DCC: variants seen among roughly 807,000 people sequenced by gnomAD.
The protein encoded by DCC is netrin receptor DCC.
A neutral mutation model predicts 172.5 loss-of-function variants in DCC; 58 were observed. The ratio of observed to expected loss-of-function variants is 0.34; its 90% CI spans 0.27 to 0.42. DCC has a LOEUF of 0.42. Ranked by LOEUF, DCC falls within the 10% of genes least tolerant of loss-of-function variation. The probability of loss-of-function intolerance (pLI) is 1.00; values close to 1 mark genes in which losing one functional copy is unlikely to be tolerated. For synonymous variants in DCC, 709 were observed against 644.5 expected (o/e 1.10, Z -1.52); for missense variants, 1,740 against 1,791.0 (o/e 0.97, Z 0.51).
At chr18:53,176,157 C>G (rs2055089970) in intron 8 of DCC, among the ~76,000 whole-genome samples, 1 of 131,974 alleles carries the variant, frequency 7.6e-6, no homozygotes, top group Non-Finnish European at 1.6e-5. Flanking sequence ...CCCTTCCTTA[C>G]ACCTTATACA....
intron 1 of DCC, among the ~76,000 whole-genome samples, chr18:52,534,854 C>T (rs1255217929): frequency 6.6e-6 from 1 of 152,136 alleles, no homozygotes; most frequent in Non-Finnish European, 1.5e-5. Context: ...TTTAACTTTA[C>T]AGGGAAAGAA....
chr18:52,812,786 G>C (rs183110018), intron 2 of DCC, among the ~76,000 whole-genome samples: 24 of 152,304 alleles, frequency 1.6e-4, no homozygotes, highest in African/African-American at 5.3e-4. Flanking sequence ...TGTGCCCAAA[G>C]GCAAAGCTCC....
At chr18:52,804,310 T>C (rs1430402181) in intron 2 of DCC, among the ~76,000 whole-genome samples, 2 of 152,204 alleles carry the variant, frequency 1.3e-5, no homozygotes, top group African/African-American at 2.4e-5. Context: ...AGTACATAAA[T>C]TGGTCAATAT....
chr18:53,108,426 G>T (rs896137660), intron 7 of DCC, among the ~76,000 whole-genome samples: 7 of 151,694 alleles, frequency 4.6e-5, no homozygotes, highest in Admixed American at 2.6e-4. Context: ...TTTTGTGAAA[G>T]GATTAGTTAT....
intron 5 of DCC, among the ~76,000 whole-genome samples, chr18:53,061,105 C>T (rs1343718905): frequency 2.0e-5 from 3 of 152,066 alleles, no homozygotes; most frequent in Non-Finnish European, 4.4e-5. Context: ...TATTTGCAAA[C>T]ATTAACTGTC....
intron 1 of DCC, among the ~76,000 whole-genome samples, chr18:52,568,080 C>T (rs1393665982): frequency 6.6e-6 from 1 of 151,962 alleles, no homozygotes; most frequent in East Asian, 1.9e-4. Context: ...TGGTTTAGTA[C>T]TTGGGGGGTG....
rs2046297509 is a variant in DCC, at chr18:53,513,923, G to C, written c.4112-12694G>C. 2.6e-5 allele frequency among the ~76,000 whole-genome samples: 4 copies of C among 151,004 alleles called. No individual in the cohort carries two copies. In the Admixed American group the frequency reaches 2.6e-4, roughly 10 times the overall value. On this transcript the variant is annotated intron_variant, in intron 27 of 28. Transcript: ENST00000442544. Reference sequence around the variant, plus strand: ...GATCAACAAGACAGAAAGTCAACAAGGATACCCAGGAATTGAACTCAGCTC... The same window carrying C: ...GATCAACAAGACAGAAAGTCAACAACGATACCCAGGAATTGAACTCAGCTC...
At chr18:53,301,147 T>A (rs2057136187) in intron 12 of DCC, among the ~76,000 whole-genome samples, 1 of 151,306 alleles carries the variant, frequency 6.6e-6, no homozygotes, top group South Asian at 2.1e-4. Context: ...TGGAGTGCAA[T>A]GGTGTGATCT....
At chr18:53,026,405 T>C (rs2041955742) in intron 5 of DCC, among the ~76,000 whole-genome samples, 1 of 152,156 alleles carries the variant, frequency 6.6e-6, no homozygotes, top group African/African-American at 2.4e-5. Context: ...TTTTCAACTT[T>C]TTACTAGGAA....
intron 1 of DCC, among the ~76,000 whole-genome samples, chr18:52,642,095 C>CAT (rs2034917956): frequency 7.1e-6 from 1 of 140,996 alleles, no homozygotes; most frequent in Non-Finnish European, 1.5e-5. Context: ...CACACACACA[C>CAT]ACTCACACAC....
intron 2 of DCC, among the ~76,000 whole-genome samples, chr18:52,787,022 CAGAG>C (rs2037673299): frequency 6.6e-6 from 1 of 152,046 alleles, no homozygotes; most frequent in Admixed American, 6.6e-5. Flanking sequence ...AGGAACTAGG[CAGAG>C]AGAAACATGC....
At chr18:52,444,263 C>G (rs1427163798) in intron 1 of DCC, among the ~76,000 whole-genome samples, 1 of 152,136 alleles carries the variant, frequency 6.6e-6, no homozygotes, top group African/African-American at 2.4e-5. Context: ...CAGCACATTT[C>G]AAATATAAAC....
At chr18:53,151,832 AAT>A (rs1283215108) in intron 7 of DCC, among the ~76,000 whole-genome samples, 1 of 152,082 alleles carries the variant, frequency 6.6e-6, no homozygotes, top group Non-Finnish European at 1.5e-5. Context: ...TTTTAGAAAA[AAT>A]ATTATTTCAT....
chr18:52,927,303 T>C (rs1185482122), intron 5 of DCC, among the ~76,000 whole-genome samples: 1 of 150,900 alleles, frequency 6.6e-6, no homozygotes, highest in African/African-American at 2.4e-5. Flanking sequence ...ATTGGCATAC[T>C]CATACTGGCA....
chr18:53,386,624 C>T (rs1908188956), intron 16 of DCC, among the ~76,000 whole-genome samples: 1 of 152,108 alleles, frequency 6.6e-6, no homozygotes, highest in Admixed American at 6.5e-5. Context: ...GGCTGAGTGA[C>T]ATATGTGGTA....
chr18:52,412,146 A>G (rs985798361), intron 1 of DCC, among the ~76,000 whole-genome samples: 3 of 152,144 alleles, frequency 2.0e-5, no homozygotes, highest in Non-Finnish European at 4.4e-5. Flanking sequence ...ATACAAATGT[A>G]TATCATTACA....
intron 5 of DCC, among the ~76,000 whole-genome samples, chr18:53,034,466 A>T (rs1303731454): frequency 6.6e-6 from 1 of 152,084 alleles, no homozygotes; most frequent in Non-Finnish European, 1.5e-5. Context: ...ATTTACCTCT[A>T]GTCCATCTAC....
At chr18:52,359,313 G>T (rs1207447192) in intron 1 of DCC, among the ~76,000 whole-genome samples, 1 of 152,196 alleles carries the variant, frequency 6.6e-6, no homozygotes, top group Admixed American at 6.5e-5. Context: ...ATGGTTTGAA[G>T]TGATGTGGTA....
At chr18:53,463,389 G>A (rs367793247) in intron 24 of DCC, among the ~76,000 whole-genome samples, 9 of 152,098 alleles carry the variant, frequency 5.9e-5, no homozygotes, top group African/African-American at 2.2e-4. Flanking sequence ...TGTAACAAAA[G>A]GAAAGTAATC....
Sources: gnomAD v4.1 joint callset for allele counts (sites outside exome capture counted in the v4.1 genomes callset) on GRCh38, gnomAD v4.1.1 for gene constraint, MANE v1.5 for transcripts, NCBI Gene and HGNC (gene_info 2026-07-23, HGNC 2026-07-21) for gene names.